PRELID2: variants seen among roughly 807,000 people sequenced by gnomAD.
The protein encoded by PRELID2 is PRELI domain-containing protein 2.
A neutral mutation model predicts 28.4 loss-of-function variants in PRELID2; 25 were observed. The ratio of observed to expected loss-of-function variants is 0.88; its 90% CI spans 0.64 to 1.23. The LOEUF (loss-of-function observed/expected upper bound fraction) is 1.23. Ranked by LOEUF, PRELID2 falls within the 50% of genes most tolerant of loss-of-function variation. PRELID2 has a pLI of 0.00. For missense variants in PRELID2, 201 were observed against 214.4 expected (o/e 0.94, Z 0.39); for synonymous variants, 76 against 71.6 (o/e 1.06, Z -0.31).
intron 1 of PRELID2, among the ~76,000 whole-genome samples, chr5:145,602,653 G>T (rs1450084135): frequency 2.6e-5 from 4 of 151,382 alleles, no homozygotes; most frequent in African/African-American, 7.3e-5. Context: ...AAAAATAAAT[G>T]GAAATAAATT....
Position 145,728,215 on chromosome 5 carries a change from T to C in PRELID2, n.70+36716A>G, listed in dbSNP as rs187404156. The C allele has an allele frequency of 2.9e-5, 6 of 206,148 alleles. No homozygotes were observed. The East Asian group carries it at 8.1e-4, about 28-fold the overall frequency. The allele number at this position is 206,148 out of a possible 1,614,324, so 12.8% of individuals were successfully genotyped here. ...TTTAGGGCACTGATCAGTATCTCTT[T>C]AGGGCACTGACCTTATATTGTTAGT... On this transcript the variant is annotated intron_variant and non_coding_transcript_variant, in intron 1 of 2. Coordinates refer to the PRELID2 transcript ENST00000510259.
chr5:145,712,851 T>G (rs1755732632), intron 1 of PRELID2, among the ~76,000 whole-genome samples: 1 of 151,760 alleles, frequency 6.6e-6, no homozygotes, highest in Non-Finnish European at 1.5e-5. Context: ...TATATATAAA[T>G]TCAACACATA....
chr5:145,477,863 A>G (rs1456667768), intron 1 of PRELID2, among the ~76,000 whole-genome samples: 2 of 152,064 alleles, frequency 1.3e-5, no homozygotes, highest in African/African-American at 4.8e-5. Flanking sequence ...GAGAAAGGGA[A>G]GGAAAAGAGG....
At chr5:145,484,414 C>T (rs1752195269) in intron 1 of PRELID2, among the ~76,000 whole-genome samples, 1 of 152,188 alleles carries the variant, frequency 6.6e-6, no homozygotes, top group Non-Finnish European at 1.5e-5. Flanking sequence ...GACTCATAGA[C>T]TGACTCATAG....
intron 1 of PRELID2, among the ~76,000 whole-genome samples, chr5:145,568,207 AG>A (rs1752984877): frequency 6.6e-6 from 1 of 152,206 alleles, no homozygotes; most frequent in African/African-American, 2.4e-5. Flanking sequence ...AGCATGAAAG[AG>A]GGAGTGAGGA....
At chr5:145,765,119 A>G in intron 5 of PRELID2, 119 bp from the exon 6 acceptor site, 2 of 669,434 alleles carry the variant, frequency 3.0e-6, no homozygotes, top group Non-Finnish European at 5.0e-6. Context: ...ATTTCAACAA[A>G]GTAGGCTCAT....
At chr5:145,281,510 T>G in the PRELID2 span, among the ~76,000 whole-genome samples, 4 of 152,184 alleles carry the variant, frequency 2.6e-5, no homozygotes, top group African/African-American at 9.6e-5. Flanking sequence ...AGCGCTAAGA[T>G]AAAGCATGTT....
chr5:145,417,439 C>A, the PRELID2 span, among the ~76,000 whole-genome samples: 1 of 151,936 alleles, frequency 6.6e-6, no homozygotes, highest in Non-Finnish European at 1.5e-5. Flanking sequence ...GGCAGAGATA[C>A]AAGAAAAAAA....
At chr5:145,328,342 T>A in the PRELID2 span, among the ~76,000 whole-genome samples, 1 of 152,212 alleles carries the variant, frequency 6.6e-6, no homozygotes, top group Non-Finnish European at 1.5e-5. Context: ...TAGTTCTAGA[T>A]CCTTGAGGAA....
At chr5:145,473,547 A>G (rs913399747) in intron 1 of PRELID2, among the ~76,000 whole-genome samples, 1 of 152,186 alleles carries the variant, frequency 6.6e-6, no homozygotes, top group African/African-American at 2.4e-5. Context: ...TATTAAGGTT[A>G]GAGCAACACT....
At chr5:145,292,632 C>A in the PRELID2 span, among the ~76,000 whole-genome samples, 2 of 151,786 alleles carry the variant, frequency 1.3e-5, no homozygotes, top group Admixed American at 1.3e-4. Context: ...ATCTGGGTCA[C>A]AGATGTGTTT....
At chr5:145,791,688 G>A (rs1234368455) in intron 5 of PRELID2, among the ~76,000 whole-genome samples, 1 of 152,088 alleles carries the variant, frequency 6.6e-6, no homozygotes, top group Non-Finnish European at 1.5e-5. Context: ...TGTACTTAAT[G>A]CCACTGAACT....
chr5:145,792,604 A>C (rs1039636643), intron 5 of PRELID2, among the ~76,000 whole-genome samples: 1 of 152,210 alleles, frequency 6.6e-6, no homozygotes, highest in Non-Finnish European at 1.5e-5. Context: ...CTTAATTCTT[A>C]CTTGTGTCTC....
At chr5:145,439,502 C>T in the PRELID2 span, among the ~76,000 whole-genome samples, 2 of 152,062 alleles carry the variant, frequency 1.3e-5, no homozygotes, top group Admixed American at 6.6e-5. Flanking sequence ...AGATTATTCT[C>T]CCCCAAAGCC....
the PRELID2 span, among the ~76,000 whole-genome samples, chr5:145,269,897 C>CACAT: frequency 2.8e-4 from 42 of 148,346 alleles, no homozygotes; most frequent in African/African-American, 9.9e-4. Flanking sequence ...TGTATACACA[C>CACAT]ACATACATAC....
intron 1 of PRELID2, among the ~76,000 whole-genome samples, chr5:145,475,637 G>C (rs1192966511): frequency 6.6e-6 from 1 of 152,162 alleles, no homozygotes; most frequent in Non-Finnish European, 1.5e-5. Context: ...TTAAGAGTTT[G>C]TATAAAATAT....
At chr5:145,827,108 G>A (rs1007993297) in intron 1 of PRELID2, among the ~76,000 whole-genome samples, 1 of 152,154 alleles carries the variant, frequency 6.6e-6, no homozygotes, top group Non-Finnish European at 1.5e-5. Flanking sequence ...AAGACCTACA[G>A]TAAGTCTGGT....
At chr5:145,229,332 T>C in the PRELID2 span, 2 of 742,566 alleles carry the variant, frequency 2.7e-6, no homozygotes, top group East Asian at 5.2e-5. Flanking sequence ...ATTCCCATCC[T>C]GGTCACTCCC....
the PRELID2 span, among the ~76,000 whole-genome samples, chr5:145,247,064 C>A: frequency 1.3e-5 from 2 of 152,150 alleles, no homozygotes; most frequent in African/African-American, 4.8e-5. Flanking sequence ...AACTTCAGAT[C>A]AGTGCTTGAG....
Sources: gnomAD v4.1 joint callset for allele counts (sites outside exome capture counted in the v4.1 genomes callset) on GRCh38, gnomAD v4.1.1 for gene constraint, MANE v1.5 for transcripts, NCBI Gene and HGNC (gene_info 2026-07-23, HGNC 2026-07-21) for gene names.